The following TTC9 variants were observed in gnomAD, a reference collection of about 807,000 sequenced individuals.
TTC9 encodes the protein tetratricopeptide repeat domain 9.
A neutral mutation model predicts 22.9 loss-of-function variants in TTC9; 13 were observed. The ratio of observed to expected loss-of-function variants is 0.57; its 90% CI spans 0.37 to 0.90. TTC9 has a LOEUF of 0.90. Ranked by LOEUF, TTC9 falls within the 40% of genes least tolerant of loss-of-function variation. The probability of loss-of-function intolerance (pLI) is 0.01; values close to 1 mark genes in which losing one functional copy is unlikely to be tolerated. For missense variants in TTC9, 280 were observed against 291.8 expected (o/e 0.96, Z 0.29); for synonymous variants, 148 against 133.2 (o/e 1.11, Z -0.77).
intron 2 of TTC9, among the ~76,000 whole-genome samples, chr14:70,669,359 G>A (rs954605163): frequency 6.6e-6 from 1 of 151,874 alleles, no homozygotes; most frequent in Non-Finnish European, 1.5e-5. Flanking sequence ...AGCTCACTAC[G>A]ACTTCCGCCT....
At chr14:70,651,158 T>A (rs543935391) in intron 1 of TTC9, among the ~76,000 whole-genome samples, 1 of 152,286 alleles carries the variant, frequency 6.6e-6, no homozygotes, top group South Asian at 2.1e-4. Flanking sequence ...CTTTTTGTAT[T>A]TTTAGTAGAG....
chr14:70,660,807 A>G (rs1190737866), intron 1 of TTC9, among the ~76,000 whole-genome samples: 4 of 152,216 alleles, frequency 2.6e-5, no homozygotes, highest in East Asian at 3.8e-4. Context: ...CCAGATCCCA[A>G]ACTTCTTCCA....
rs945074415 is a variant in TTC9, at chr14:70,673,746, T to G, written c.*2591T>G. 1 of 152,220 alleles carries G rather than the reference T, an allele frequency of 6.6e-6. No homozygotes were observed. Among genetic ancestry groups the G allele is most frequent in the Non-Finnish European group, 1.5e-5 (1 of 68,102 alleles). 9.4% of individuals were successfully genotyped at this position (152,220 alleles called of 1,614,324 possible). On this transcript the variant is annotated 3_prime_UTR_variant, in exon 3 of 3. Transcript: ENST00000256367. ...GTCAGGAAGGACTCCGAGTAATTAT[T>G]CCCTATGCAGAGACAGGAGAGAGGT...
chr14:70,669,596 TA>T (rs564102292), intron 2 of TTC9, among the ~76,000 whole-genome samples: 2 of 151,620 alleles, frequency 1.3e-5, no homozygotes, highest in African/African-American at 4.8e-5. Flanking sequence ...TTTTTTTTTT[TA>T]AACTCAATCT....
rs1200369001 is a variant in TTC9, at chr14:70,674,637, T to G, written c.*3482T>G. On this transcript the variant is annotated 3_prime_UTR_variant, in exon 3 of 3. Coordinates refer to ENST00000256367, the MANE Select transcript of TTC9 (RefSeq NM_015351.2). ...AATTTATTTTGCATCCTAGTGGAGA[T>G]GCTTACACATTGTCAAACATATGTA... is the stretch of plus-strand genomic sequence containing the variant. 2.6e-5 allele frequency: 4 copies of G among 152,242 alleles called. No individual in the cohort carries two copies. The highest frequency in any genetic ancestry group is 6.5e-5 in the Admixed American group (1 of 15,282). The allele number at this position is 152,242 out of a possible 1,614,324, so 9.4% of individuals were successfully genotyped here.
chr14:70,656,951 G>C (rs1365279085), intron 1 of TTC9, among the ~76,000 whole-genome samples: 1 of 152,184 alleles, frequency 6.6e-6, no homozygotes, highest in Non-Finnish European at 1.5e-5. Flanking sequence ...AGAGTAAGGG[G>C]CCATAGGTGG....
chr14:70,667,439 C>A (rs904854407), intron 1 of TTC9, 125 bp from the exon 2 acceptor site: 2 of 960,114 alleles, frequency 2.1e-6, no homozygotes, highest in Non-Finnish European at 3.1e-6. Flanking sequence ...GAAGACAAAT[C>A]CCAAGATGTA....
intron 1 of TTC9, among the ~76,000 whole-genome samples, chr14:70,654,256 C>T (rs1378394636): frequency 6.6e-6 from 1 of 152,066 alleles, no homozygotes; most frequent in Admixed American, 6.5e-5. Flanking sequence ...CATCCCCCAG[C>T]TCTCTCTGAA....
At position 70,642,010 on chromosome 14, in the gene TTC9, C is replaced by A; in HGVS notation, c.-120C>A. On this transcript the variant is annotated 5_prime_UTR_variant, in exon 1 of 3. Coordinates refer to ENST00000256367, the MANE Select transcript of TTC9 (RefSeq NM_015351.2). ...CCAGACCGCCGCGGGGTGTCACGGC[C>A]GCCACGAAGCCTGCGAGGCGCGGGG... The A allele has an allele frequency of 1.6e-6, 1 of 638,158 alleles. No individual in the cohort carries two copies. 39.5% of individuals were successfully genotyped at this position (638,158 alleles called of 1,614,324 possible). A position where few individuals can be genotyped will look rare whatever the true frequency, so the allele number is the denominator to read the frequency against.
intron 1 of TTC9, among the ~76,000 whole-genome samples, chr14:70,665,913 C>T (rs777259776): frequency 1.3e-5 from 2 of 152,162 alleles, no homozygotes; most frequent in Non-Finnish European, 2.9e-5. Context: ...AGAGCATCAG[C>T]ATTCTCCCCC....
intron 1 of TTC9, among the ~76,000 whole-genome samples, chr14:70,659,777 G>A (rs1293987078): frequency 6.6e-6 from 1 of 152,134 alleles, no homozygotes; most frequent in Non-Finnish European, 1.5e-5. Context: ...ATCATTACAG[G>A]CAGGTAAGCA....
chr14:70,659,119 A>AACACACACACGCGCGC (rs1365105263), intron 1 of TTC9, among the ~76,000 whole-genome samples: 3 of 134,706 alleles, frequency 2.2e-5, no homozygotes, highest in East Asian at 2.8e-4. Flanking sequence ...TATATAACTA[A>AACACACACACGCGCGC]ACACACACAC....
rs1170413687 is a variant in TTC9, at chr14:70,642,388, C to G, written c.259C>G (p.Leu87Val). Reference protein sequence around the residue: ...IGKYHRALLELKGLLPPPGER... With the variant: ...IGKYHRALLEVKGLLPPPGER... Reference sequence around the variant, plus strand: ...CAAATACCACCGGGCGTTGCTGGAGCTGAAGGGGCTGCTGCCGCCCCCCGG... The same window carrying G: ...CAAATACCACCGGGCGTTGCTGGAGGTGAAGGGGCTGCTGCCGCCCCCCGG... The change falls in exon 1 of 3, where the codon CTG becomes GTG. Residue 87 changes from leucine (L) to valine (V), a missense_variant. By Grantham distance (32) the Leu-to-Val change is conservative (BLOSUM62 1). This residue lies in a region of TTC9 where 165 missense variants were observed against 145.4 expected (regional missense o/e 1.14). Transcript: ENST00000256367. The G allele has an allele frequency of 2.5e-6, 4 of 1,603,996 alleles. No homozygotes were observed. In the African/African-American group the frequency reaches 5.4e-5, roughly 22 times the overall value.
rs149948537 is a variant in TTC9, at chr14:70,646,390, A to G, written c.406+3855A>G. Among the ~76,000 whole-genome samples, 1,010 of 152,302 alleles carry G rather than the reference A, an allele frequency of 6.6e-3. 7 individuals are homozygous for G. The highest frequency in any genetic ancestry group is 0.012 in the African/African-American group (499 of 41,562). On this transcript the variant is annotated intron_variant, in intron 1 of 2. Transcript: ENST00000256367. Reference sequence around the variant, plus strand: ...GACTCTTCTTGACATTGAACAAGACACAGGACTCCCCTGGGGCCTTGGAAT... The same window carrying G: ...GACTCTTCTTGACATTGAACAAGACGCAGGACTCCCCTGGGGCCTTGGAAT...
At chr14:70,662,733 G>A (rs551459115) in intron 1 of TTC9, among the ~76,000 whole-genome samples, 31 of 152,318 alleles carry the variant, frequency 2.0e-4, no homozygotes, top group African/African-American at 7.5e-4. Context: ...GGCAAAGATG[G>A]GACTAGAATC....
Position 70,673,835 on chromosome 14 carries a change from T to C in TTC9, c.*2680T>C, listed in dbSNP as rs1886331380. The C allele has an allele frequency of 6.6e-6, 1 of 152,110 alleles. No homozygotes were observed. The allele number at this position is 152,110 out of a possible 1,614,324, so 9.4% of individuals were successfully genotyped here. A position where few individuals can be genotyped will look rare whatever the true frequency, so the allele number is the denominator to read the frequency against. On this transcript the variant is annotated 3_prime_UTR_variant, in exon 3 of 3. Transcript: ENST00000256367. ...CCAGGATATGATTGTAGCCATCCCA[T>C]GTAGAAAGATCAAAAACCAGAACGA...
rs547536034 is a variant in TTC9 at position 70,659,953 on chromosome 14, G to A, written c.407-7611G>A. Among the ~76,000 whole-genome samples, 225 of 152,334 alleles carry A rather than the reference G, an allele frequency of 1.5e-3. 2 individuals are homozygous for A. The highest frequency in any genetic ancestry group is 1.7e-3 in the Non-Finnish European group (119 of 68,026). On this transcript the variant is annotated intron_variant, in intron 1 of 2. Transcript: ENST00000256367. Reference sequence around the variant, plus strand: ...TCTGAAAAAAATGGGCAAAATACTAGAAGCTAGAATAGATTGCTGTCAAGA... The same window carrying A: ...TCTGAAAAAAATGGGCAAAATACTAAAAGCTAGAATAGATTGCTGTCAAGA...
chr14:70,645,923 CAA>C (rs1463979246), intron 1 of TTC9, among the ~76,000 whole-genome samples: 1 of 152,216 alleles, frequency 6.6e-6, no homozygotes, highest in Non-Finnish European at 1.5e-5. Flanking sequence ...CTGCTCCAAA[CAA>C]GAGGTGGTTA....
chr14:70,654,276 A>G (rs1292599620), intron 1 of TTC9, among the ~76,000 whole-genome samples: 1 of 151,942 alleles, frequency 6.6e-6, no homozygotes, highest in Non-Finnish European at 1.5e-5. Context: ...AGGGATGATA[A>G]TGGTTAGTGG....
Sources: allele counts gnomAD v4.1 joint callset (sites outside exome capture counted in the v4.1 genomes callset), GRCh38; gene constraint gnomAD v4.1.1; regional missense constraint gnomAD v4.1.1; transcripts MANE v1.5; gene names NCBI Gene and HGNC (gene_info 2026-07-23, HGNC 2026-07-21).